The following OR1B1 variants were observed in gnomAD, a reference collection of about 807,000 sequenced individuals.
The protein encoded by OR1B1 is olfactory receptor 1B1.
For missense variants in OR1B1, 414 were observed against 402.1 expected, an observed-to-expected ratio of 1.03 and a Z score of -0.25; for synonymous variants, 168 against 156.2, an observed-to-expected ratio of 1.08 and a Z score of -0.57.
At chr9:122,645,542 G>GA in the OR1B1 span, among the ~76,000 whole-genome samples, 13 of 151,662 alleles carry the variant, frequency 8.6e-5, no homozygotes, top group African/African-American at 3.2e-4. Context: ...AGAAACAAGA[G>GA]AAAAAAATAA....
chr9:122,644,156 T>G, the OR1B1 span, among the ~76,000 whole-genome samples: 1 of 147,450 alleles, frequency 6.8e-6, no homozygotes, highest in Non-Finnish European at 1.5e-5. Context: ...ATCAGGCTAT[T>G]GGGGTCTCTG....
At chr9:122,646,924 G>A in the OR1B1 span, among the ~76,000 whole-genome samples, 11 of 152,130 alleles carry the variant, frequency 7.2e-5, no homozygotes, top group African/African-American at 2.7e-4. Context: ...AAAGCGAGAG[G>A]ACAAAGTTAA....
the OR1B1 span, among the ~76,000 whole-genome samples, chr9:122,639,040 ATAT>A: frequency 7.2e-5 from 11 of 152,248 alleles, no homozygotes; most frequent in South Asian, 2.3e-3. Flanking sequence ...TTGGTTTTAA[ATAT>A]TATTATAAAC....
chr9:122,656,909 T>G, the OR1B1 span, among the ~76,000 whole-genome samples: 2 of 152,332 alleles, frequency 1.3e-5, no homozygotes, highest in East Asian at 3.9e-4. Flanking sequence ...CTACATTTTT[T>G]TATTAAGTAA....
upstream of OR1B1, among the ~76,000 whole-genome samples, chr9:122,631,536 C>T (rs1830203320): frequency 6.6e-6 from 1 of 152,150 alleles, no homozygotes; most frequent in Non-Finnish European, 1.5e-5. Flanking sequence ...ATACAAGAGT[C>T]TGTAATCAAA....
At chr9:122,637,377 C>G in the OR1B1 span, 1 of 152,210 alleles carries the variant, frequency 6.6e-6, no homozygotes, top group Non-Finnish European at 1.5e-5. Flanking sequence ...AATTCAAACC[C>G]TGTCTGATCC....
At chr9:122,651,318 G>C in the OR1B1 span, among the ~76,000 whole-genome samples, 1 of 152,076 alleles carries the variant, frequency 6.6e-6, no homozygotes, top group Non-Finnish European at 1.5e-5. Context: ...TATTTGTGTT[G>C]GGAACATTCA....
At chr9:122,633,130 C>G (rs1306220429), upstream of OR1B1, among the ~76,000 whole-genome samples, 1 of 152,076 alleles carries the variant, frequency 6.6e-6, no homozygotes, top group Non-Finnish European at 1.5e-5. Flanking sequence ...CATAGGAATT[C>G]AAGATGAGAT....
the OR1B1 span, among the ~76,000 whole-genome samples, chr9:122,650,337 G>T: frequency 5.9e-4 from 89 of 151,806 alleles, no homozygotes; most frequent in Non-Finnish European, 1.0e-3. Flanking sequence ...ACCACAGCAC[G>T]TGTATACCTA....
At chr9:122,652,733 T>C in the OR1B1 span, among the ~76,000 whole-genome samples, 2 of 152,184 alleles carry the variant, frequency 1.3e-5, no homozygotes, top group African/African-American at 4.8e-5. Context: ...TGTATAATGC[T>C]CAAGTTTGAT....
chr9:122,635,205 C>CT, the OR1B1 span, among the ~76,000 whole-genome samples: 23 of 152,198 alleles, frequency 1.5e-4, no homozygotes, highest in African/African-American at 5.3e-4. Context: ...AGGTTCTGCT[C>CT]TTTTTTGTGA....
At chr9:122,634,196 C>T (rs1830234136), upstream of OR1B1, among the ~76,000 whole-genome samples, 4 of 151,882 alleles carry the variant, frequency 2.6e-5, no homozygotes, top group East Asian at 1.9e-4. Context: ...ATTAGCCAGG[C>T]GTGGTGGCAC....
chr9:122,654,935 T>C, the OR1B1 span, among the ~76,000 whole-genome samples: 1 of 152,230 alleles, frequency 6.6e-6, no homozygotes, highest in Non-Finnish European at 1.5e-5. Flanking sequence ...TAAAAGACTT[T>C]AAATGTTTTC....
chr9:122,628,904 A>T, exon 1 of OR1B1: 1 of 1,614,144 alleles, frequency 6.2e-7, no homozygotes, highest in Non-Finnish European at 8.5e-7. Context: ...CAGCATAAGG[A>T]AGCCACCCTC....
chr9:122,639,732 A>G, the OR1B1 span: 3 of 149,776 alleles, frequency 2.0e-5, no homozygotes, highest in Admixed American at 6.7e-5. Context: ...ATATATATTT[A>G]TATATTGAAT....
chr9:122,642,263 G>T, the OR1B1 span, among the ~76,000 whole-genome samples: 2 of 152,124 alleles, frequency 1.3e-5, no homozygotes, highest in African/African-American at 2.4e-5. Flanking sequence ...TGAGAGACAG[G>T]TTATTGATAG....
chr9:122,644,424 T>C, the OR1B1 span, among the ~76,000 whole-genome samples: 1 of 152,192 alleles, frequency 6.6e-6, no homozygotes, highest in Non-Finnish European at 1.5e-5. Context: ...GTGGTTTGAG[T>C]GCCAGCTTAG....
At chr9:122,637,959 T>C in the OR1B1 span, among the ~76,000 whole-genome samples, 4 of 152,298 alleles carry the variant, frequency 2.6e-5, no homozygotes, top group East Asian at 7.7e-4. Context: ...TAACTCTACA[T>C]AAATATTTTA....
At chr9:122,629,447 A>C in exon 1 of OR1B1, 5 of 1,613,866 alleles carry the variant, frequency 3.1e-6, no homozygotes, top group Middle Eastern at 1.6e-4. Context: ...GAACAGGAAG[A>C]AGAGGAGAGT....
Sources: allele counts gnomAD v4.1 joint callset (sites outside exome capture counted in the v4.1 genomes callset), GRCh38; gene constraint gnomAD v4.1.1; transcripts MANE v1.5; gene names NCBI Gene and HGNC (gene_info 2026-07-23, HGNC 2026-07-21).